Variants in AP3B1 observed in about 807,000 individuals in gnomAD.
AP3B1 encodes AP-3 complex subunit beta-1.
Under a neutral mutation model 132.5 loss-of-function variants are expected in AP3B1, and 61 were observed. The observed-to-expected ratio is 0.46, with a 90% CI of 0.37 to 0.57. The LOEUF (loss-of-function observed/expected upper bound fraction) is 0.57, where lower values mean the gene tolerates loss of function less well. Ranked by LOEUF, AP3B1 falls within the 20% of genes least tolerant of loss-of-function variation. AP3B1 has a pLI of 0.00. For missense variants in AP3B1, 1,120 were observed against 1,289.4 expected (o/e 0.87, Z 2.01); for synonymous variants, 388 against 438.3 (o/e 0.89, Z 1.43).
At chr5:78,259,293 A>T (rs1282119852) in intron 2 of AP3B1, among the ~76,000 whole-genome samples, 2 of 151,960 alleles carry the variant, frequency 1.3e-5, no homozygotes, top group Non-Finnish European at 2.9e-5. Context: ...TCATGTTCTC[A>T]CTTACTTGTG....
At position 78,193,712 on chromosome 5, in the gene AP3B1, TTACA is replaced by T. The variant is rs1233459501; in HGVS notation, c.787-12054_787-12051del. Among the ~76,000 whole-genome samples the T allele has an allele frequency of 1.5e-4, 21 of 139,862 alleles. 1 individual carries two copies. The South Asian group carries it at 4.6e-3, about 31-fold the overall frequency. The allele number at this position is 139,862 out of a possible 152,430, so 91.8% of individuals were successfully genotyped here. On this transcript the variant is annotated intron_variant, in intron 7 of 26. Transcript: ENST00000255194. ...TATATATTTTTAAATATTTATATAT[TTACA>T]TATTTTTAAATATTTGTATATATTT...
At chr5:78,166,286 G>A (rs1417725448) in intron 11 of AP3B1, among the ~76,000 whole-genome samples, 4 of 151,880 alleles carry the variant, frequency 2.6e-5, no homozygotes, top group Admixed American at 2.0e-4. Flanking sequence ...AAAACAATTC[G>A]GAAAAGGAGA....
In AP3B1 at chr5:78,278,141, T is replaced by A. The variant is rs182043433; in HGVS notation, c.129-10546A>T. 6.9e-3 allele frequency among the ~76,000 whole-genome samples: 1,058 copies of A among 152,294 alleles called. 14 individuals are homozygous for A. The highest frequency in any genetic ancestry group is 0.022 in the African/African-American group (928 of 41,556). On this transcript the variant is annotated intron_variant, in intron 1 of 26. Transcript: ENST00000255194. ...TGGCATTTTTGGTTTACAGTGTTTTTAAACAGTGAAAAGGAACTTTTTGCC... is the reference window on the plus strand; with the variant it reads ...TGGCATTTTTGGTTTACAGTGTTTTAAAACAGTGAAAAGGAACTTTTTGCC...
chr5:78,181,672 A>C lies in AP3B1; in HGVS notation c.787-10T>G. ...CTTCTAATTCATCACCCTACAATGAAAGAAATCCAACCCAAGATTACTTTA... is the reference window on the plus strand; with the variant it reads ...CTTCTAATTCATCACCCTACAATGACAGAAATCCAACCCAAGATTACTTTA... On this transcript the variant is annotated splice_polypyrimidine_tract_variant and intron_variant, in intron 7 of 26. Transcript: ENST00000255194. 1 of 1,610,182 alleles carries C rather than the reference A, an allele frequency of 6.2e-7. No homozygotes were observed. The highest frequency in any genetic ancestry group is 1.1e-5 in the South Asian group (1 of 90,446).
At chr5:78,089,536 A>G (rs758827658) in intron 21 of AP3B1, 37 bp from the exon 22 acceptor site, 8 of 1,313,842 alleles carry the variant, frequency 6.1e-6, no homozygotes. Context: ...ATGTGCATGA[A>G]CGTTTAATTC....
intron 7 of AP3B1, among the ~76,000 whole-genome samples, chr5:78,188,438 T>C (rs1318355560): frequency 6.6e-6 from 1 of 152,026 alleles, no homozygotes; most frequent in African/African-American, 2.4e-5. Flanking sequence ...CAGACACTTC[T>C]CAAAAAAAGA....
intron 21 of AP3B1, among the ~76,000 whole-genome samples, chr5:78,092,362 T>A (rs1750558452): frequency 6.6e-6 from 1 of 152,166 alleles, no homozygotes; most frequent in Non-Finnish European, 1.5e-5. Context: ...TATGCATCTG[T>A]TTGCAGGTAT....
At chr5:78,084,995 C>A (rs1750176361) in intron 22 of AP3B1, among the ~76,000 whole-genome samples, 1 of 152,000 alleles carries the variant, frequency 6.6e-6, no homozygotes, top group African/African-American at 2.4e-5. Context: ...CTTTTTGTAA[C>A]CATCACTACT....
At chr5:78,103,645 C>T (rs1751218443) in intron 20 of AP3B1, among the ~76,000 whole-genome samples, 1 of 151,974 alleles carries the variant, frequency 6.6e-6, no homozygotes, top group African/African-American at 2.4e-5. Flanking sequence ...CTGTATTAGA[C>T]TTTTATAAGG....
At chr5:78,258,832 G>A (rs976381488) in intron 2 of AP3B1, among the ~76,000 whole-genome samples, 1 of 152,124 alleles carries the variant, frequency 6.6e-6, no homozygotes, top group Non-Finnish European at 1.5e-5. Flanking sequence ...AAAATGTGGG[G>A]CAAATACACA....
rs1317028334 is a variant in AP3B1, at chr5:78,193,730, T to TTG, written c.787-12070_787-12069dup. Reference sequence around the variant, plus strand: ...TATATATTTACATATTTTTAAATATTTGTATATATTTTTTTATATATATAT... The same window carrying TTG: ...TATATATTTACATATTTTTAAATATTTGTGTATATATTTTTTTATATATATAT... On this transcript the variant is annotated intron_variant, in intron 7 of 26. Transcript: ENST00000255194. 7.7e-3 allele frequency among the ~76,000 whole-genome samples: 824 copies of TTG among 107,476 alleles called. 11 individuals are homozygous for TTG. Among genetic ancestry groups the TTG allele is most frequent in the East Asian group, 0.018 (81 of 4,414 alleles). The allele number at this position is 107,476 out of a possible 152,430, so 70.5% of individuals were successfully genotyped here.
intron 3 of AP3B1, among the ~76,000 whole-genome samples, chr5:78,235,324 A>T (rs1055325327): frequency 6.6e-6 from 1 of 152,206 alleles, no homozygotes; most frequent in Non-Finnish European, 1.5e-5. Flanking sequence ...AAGTACAGCC[A>T]GCTTTTAAAA....
At chr5:78,010,005 T>C (rs1331605107) in intron 26 of AP3B1, among the ~76,000 whole-genome samples, 1 of 152,156 alleles carries the variant, frequency 6.6e-6, no homozygotes, top group African/African-American at 2.4e-5. Flanking sequence ...AACAATATTA[T>C]TGTATACAAA....
chr5:78,251,525 G>A (rs1235655141), intron 2 of AP3B1, among the ~76,000 whole-genome samples: 1 of 152,182 alleles, frequency 6.6e-6, no homozygotes, highest in Admixed American at 6.5e-5. Flanking sequence ...GTATCTCTGG[G>A]CACTGGGGAA....
chr5:78,135,408 C>T (rs1378326886), intron 15 of AP3B1, among the ~76,000 whole-genome samples: 1 of 152,064 alleles, frequency 6.6e-6, no homozygotes, highest in Admixed American at 6.5e-5. Flanking sequence ...CTTATGGATG[C>T]ATATTCATAT....
intron 6 of AP3B1, among the ~76,000 whole-genome samples, chr5:78,223,348 A>G (rs1746269837): frequency 6.6e-6 from 1 of 152,166 alleles, no homozygotes; most frequent in South Asian, 2.1e-4. Flanking sequence ...ACTTTAGGAA[A>G]AATGAGTGCC....
At position 78,003,195 on chromosome 5, in the gene AP3B1, A is replaced by C. The variant is rs1401284070; in HGVS notation, c.3132-140T>G. On this transcript the variant is annotated intron_variant, in intron 26 of 26. Coordinates refer to ENST00000255194, the MANE Select transcript of AP3B1 (RefSeq NM_003664.5). ...AGGCTCCCTATTGCCAAAAACCCAA[A>C]GCCAAGCATTCTTCTGAAAAATCAA... The C allele has an allele frequency of 3.1e-6, 3 of 968,374 alleles. No homozygotes were observed. The African/African-American group carries it at 4.9e-5, about 16-fold the overall frequency. The allele number at this position is 968,374 out of a possible 1,614,324, so 60.0% of individuals were successfully genotyped here.
intron 22 of AP3B1, among the ~76,000 whole-genome samples, chr5:78,047,075 C>T (rs909918625): frequency 6.6e-6 from 1 of 152,110 alleles, no homozygotes; most frequent in African/African-American, 2.4e-5. Context: ...TGTATGTGTG[C>T]CACATTTTCT....
intron 24 of AP3B1, among the ~76,000 whole-genome samples, chr5:78,021,770 C>CA (rs1237249997): frequency 1.3e-5 from 2 of 152,178 alleles, no homozygotes; most frequent in Non-Finnish European, 2.9e-5. Context: ...ATGGTTGCCA[C>CA]ATGGCTGCTG....
Sources: allele counts gnomAD v4.1 joint callset (sites outside exome capture counted in the v4.1 genomes callset), GRCh38; gene constraint gnomAD v4.1.1; transcripts MANE v1.5; gene names NCBI Gene and HGNC (gene_info 2026-07-23, HGNC 2026-07-21).